Variants in XDH observed in about 807,000 individuals in gnomAD.
XDH encodes xanthine dehydrogenase.
Under a neutral mutation model 156.1 loss-of-function variants are expected in XDH, and 138 were observed. The observed-to-expected ratio is 0.88, with a 90% CI of 0.77 to 1.02. XDH has a LOEUF of 1.02. Among genes scored for constraint, XDH ranks in the 50% least tolerant of loss-of-function variants. XDH has a pLI of 0.00. For synonymous variants in XDH, 669 were observed against 625.7 expected (o/e 1.07, Z -1.03); for missense variants, 1,849 against 1,684.9 (o/e 1.10, Z -1.71).
intron 24 of XDH, among the ~76,000 whole-genome samples, chr2:31,361,890 C>T (rs1368149589): frequency 5.3e-5 from 8 of 152,054 alleles, no homozygotes; most frequent in Admixed American, 2.0e-4. Flanking sequence ...AGGAATAATA[C>T]GGTCTCTCTG....
intron 24 of XDH, among the ~76,000 whole-genome samples, chr2:31,355,119 G>A (rs1439272811): frequency 6.6e-6 from 1 of 152,112 alleles, no homozygotes; most frequent in Non-Finnish European, 1.5e-5. Context: ...AGACCAGAAC[G>A]AAGTGGCAGT....
intron 24 of XDH, among the ~76,000 whole-genome samples, chr2:31,360,889 G>C (rs1016407534): frequency 1.3e-5 from 2 of 152,188 alleles, no homozygotes; most frequent in Admixed American, 1.3e-4. Context: ...TGATGTTTCA[G>C]GCATCCACTG....
intron 34 of XDH, 29 bp from the exon 35 acceptor site, chr2:31,337,846 G>A: frequency 6.2e-7 from 1 of 1,609,124 alleles, no homozygotes; most frequent in Non-Finnish European, 8.5e-7. Flanking sequence ...CAGGGCAGGG[G>A]CTCAGGCAGG....
Position 31,339,558 on chromosome 2 carries a change from G to A in XDH, c.3705C>T (p.Ser1235=). ...PSTYKIPAFG[S]IPIEFRVSLL... ...GGGACACCCTGAACTCAATGGGGAT[G>A]CTGCCAAATGCCGGGATCTTGTAGG... Residue 1235 remains serine (S), a synonymous_variant, in exon 34 of 36, where the codon AGC becomes AGT. Transcript: ENST00000379416. 1 of 1,614,238 alleles carries A rather than the reference G, an allele frequency of 6.2e-7. No homozygotes were observed. The highest frequency in any genetic ancestry group is 8.5e-7 in the Non-Finnish European group (1 of 1,180,044).
At chr2:31,404,839 C>T (rs141208393) in intron 2 of XDH, among the ~76,000 whole-genome samples, 307 of 152,332 alleles carry the variant, frequency 2.0e-3, no homozygotes, top group Non-Finnish European at 2.8e-3. Context: ...AACCACTGTA[C>T]TGTCTGATAG....
chr2:31,398,811 G>C, intron 4 of XDH, 112 bp from the exon 5 acceptor site: 1 of 1,546,090 alleles, frequency 6.5e-7, no homozygotes, highest in Admixed American at 1.7e-5. Flanking sequence ...AGTAATCACT[G>C]CACAGAGTCA....
chr2:31,367,724 C>T (rs554142653), intron 20 of XDH, among the ~76,000 whole-genome samples: 77 of 152,274 alleles, frequency 5.1e-4, no homozygotes, highest in African/African-American at 1.7e-3. Context: ...GATCAGAATA[C>T]TCTAGAATCT....
At chr2:31,364,631 T>G (rs1378871110) in intron 23 of XDH, among the ~76,000 whole-genome samples, 1 of 152,016 alleles carries the variant, frequency 6.6e-6, no homozygotes, top group Non-Finnish European at 1.5e-5. Context: ...CTCACAGATT[T>G]TGGTCAGAAG....
chr2:31,372,468 T>G, intron 16 of XDH, 71 bp from the exon 17 acceptor site: 1 of 1,602,834 alleles, frequency 6.2e-7, no homozygotes, highest in South Asian at 1.1e-5. Context: ...CAGGGGACAC[T>G]GGTGAGCTTC....
chr2:31,353,913 T>C (rs932058757), intron 24 of XDH, among the ~76,000 whole-genome samples: 6 of 152,128 alleles, frequency 3.9e-5, no homozygotes, highest in Admixed American at 3.3e-4. Context: ...TCATTGCTGA[T>C]GGCCAGTCAT....
In XDH at chr2:31,403,067, G is replaced by C; in HGVS notation, c.178C>G (p.Arg60Gly). Residue 60 changes from arginine to glycine, a missense_variant, in exon 3 of 36, where the codon CGT becomes GGT. By Grantham distance (125) the Arg-to-Gly change is moderately radical. Coordinates refer to ENST00000379416, the MANE Select transcript of XDH (RefSeq NM_000379.4). ...ACTVMLSKYDRLQNKIVHFSA... is the reference protein window; with the variant it reads ...ACTVMLSKYDGLQNKIVHFSA... ...GGATACACGATCTTGTTCTGCAGAC[G>C]ATCATACTTGGAGAGCATCACTGTG... 6.2e-7 allele frequency: 1 copy of C among 1,614,146 alleles called. No homozygotes were observed. Among genetic ancestry groups the C allele is most frequent in the Non-Finnish European group, 8.5e-7 (1 of 1,180,026 alleles).
chr2:31,382,935 T>G lies in XDH; in HGVS notation c.1038+66A>C. On this transcript the variant is annotated intron_variant, in intron 11 of 35. Transcript: ENST00000379416. Reference sequence around the variant, plus strand: ...CCACTGCACTGACACAGTGAGAGTCTGGCTGCCCTGCTTTCAGATGAAAGC... The same window carrying G: ...CCACTGCACTGACACAGTGAGAGTCGGGCTGCCCTGCTTTCAGATGAAAGC... 5.0e-6 allele frequency: 8 copies of G among 1,610,436 alleles called. No homozygotes were observed. In the South Asian group the frequency reaches 7.7e-5, roughly 16 times the overall value.
chr2:31,342,324 A>C, intron 31 of XDH, 27 bp from the exon 32 acceptor site: 1 of 1,572,706 alleles, frequency 6.4e-7, no homozygotes, highest in Non-Finnish European at 8.7e-7. Flanking sequence ...AAGGTACTGC[A>C]CATGTATTAA....
At chr2:31,382,855 G>C (rs1686474806) in intron 11 of XDH, 146 bp downstream of exon 11, 3 of 1,195,476 alleles carry the variant, frequency 2.5e-6, no homozygotes, top group Non-Finnish European at 3.6e-6. Context: ...CCAGGAATCT[G>C]CACTTTAACA....
At chr2:31,402,642 A>T (rs1170274201) in intron 3 of XDH, among the ~76,000 whole-genome samples, 6 of 152,142 alleles carry the variant, frequency 3.9e-5, no homozygotes, top group Non-Finnish European at 7.3e-5. Flanking sequence ...GGCCTGTGTC[A>T]TTGGTATTTC....
rs1453015155 is a variant in XDH, at chr2:31,341,350, G to C, written c.3564C>G (p.Asn1188Lys). ...DIVMDVGSSL[N>K]PAIDIGQVEG... is the part of the protein sequence containing the mutation. ...TCACCTGTCCAATATCAATGGCAGG[G>C]TTTAGACTGGAGCCAACATCCATGA... The change falls in exon 33 of 36, where the codon AAC becomes AAG. Residue 1188 changes from asparagine (N) to lysine (K), a missense_variant. Transcript: ENST00000379416. 6.3e-7 allele frequency: 1 copy of C among 1,577,716 alleles called. No homozygotes were observed.
chr2:31,374,094 A>G lies in XDH; in HGVS notation c.1603-138T>C, dbSNP rs1686157561. 6.0e-6 allele frequency: 5 copies of G among 834,814 alleles called. No homozygotes were observed. The Admixed American group carries it at 1.1e-4, about 18-fold the overall frequency. The allele number at this position is 834,814 out of a possible 1,614,324, so 51.7% of individuals were successfully genotyped here. A position where few individuals can be genotyped will look rare whatever the true frequency, so the allele number is the denominator to read the frequency against. Reference sequence around the variant, plus strand: ...TCATACGCCTTTGAGTGCTGGCTGGATCTCTCAGCATCCAAACACGGGCTC... The same window carrying G: ...TCATACGCCTTTGAGTGCTGGCTGGGTCTCTCAGCATCCAAACACGGGCTC... On this transcript the variant is annotated intron_variant, in intron 15 of 35. Coordinates refer to ENST00000379416, the MANE Select transcript of XDH (RefSeq NM_000379.4).
intron 4 of XDH, 55 bp from the exon 5 acceptor site, chr2:31,398,754 C>A: frequency 6.2e-7 from 1 of 1,609,140 alleles, no homozygotes; most frequent in African/African-American, 1.3e-5. Context: ...CCCAGGCTCC[C>A]CAAAGGACTC....
intron 1 of XDH, 70 bp downstream of exon 1, chr2:31,414,555 G>C: frequency 6.3e-7 from 1 of 1,586,278 alleles, no homozygotes; most frequent in Non-Finnish European, 8.7e-7. Flanking sequence ...ACAAGATATG[G>C]CTCTGCCAGA....
Sources: gnomAD v4.1 joint callset for allele counts (sites outside exome capture counted in the v4.1 genomes callset) on GRCh38, gnomAD v4.1.1 for gene constraint, MANE v1.5 for transcripts, NCBI Gene and HGNC (gene_info 2026-07-23, HGNC 2026-07-21) for gene names.